The following PPARGC1A variants were observed in gnomAD, a reference collection of about 807,000 sequenced individuals.
The protein encoded by PPARGC1A is peroxisome proliferator-activated receptor gamma coactivator 1-alpha.
In PPARGC1A, 25 loss-of-function variants were observed where a neutral mutation model predicts 88.7. The ratio of observed to expected loss-of-function variants is 0.28; its 90% CI spans 0.21 to 0.39. PPARGC1A has a LOEUF of 0.39. Ranked by LOEUF, PPARGC1A falls within the 10% of genes least tolerant of loss-of-function variation. The pLI is 1.00. For missense variants in PPARGC1A, 880 were observed against 968.7 expected, an observed-to-expected ratio of 0.91 and a Z score of 1.22; for synonymous variants, 363 against 355.6, an observed-to-expected ratio of 1.02 and a Z score of -0.24.
At chr4:24,287,283 TATA>T in the PPARGC1A span, among the ~76,000 whole-genome samples, 1 of 152,058 alleles carries the variant, frequency 6.6e-6, no homozygotes, top group Non-Finnish European at 1.5e-5. Flanking sequence ...ATCACTGGTT[TATA>T]ATGAGTCACA....
the PPARGC1A span, among the ~76,000 whole-genome samples, chr4:24,173,502 G>A: frequency 6.6e-6 from 1 of 152,124 alleles, no homozygotes; most frequent in East Asian, 1.9e-4. Flanking sequence ...TTGGAGCCCA[G>A]CCTGGGCAAC....
At chr4:24,038,287 T>G in the PPARGC1A span, among the ~76,000 whole-genome samples, 2 of 152,284 alleles carry the variant, frequency 1.3e-5, no homozygotes, top group Middle Eastern at 3.4e-3. Context: ...TCTCTGTCAC[T>G]TCCACGTGAG....
the PPARGC1A span, among the ~76,000 whole-genome samples, chr4:23,999,181 G>A: frequency 6.4e-4 from 97 of 152,072 alleles, no homozygotes; most frequent in Non-Finnish European, 1.1e-3. Flanking sequence ...TATAAGCCAC[G>A]GTATTCCCTA....
chr4:24,015,377 G>A, the PPARGC1A span, among the ~76,000 whole-genome samples: 1 of 151,980 alleles, frequency 6.6e-6, no homozygotes, highest in African/African-American at 2.4e-5. Context: ...TTTCAGTTTG[G>A]TTCATAGTAT....
chr4:24,311,266 AT>A, the PPARGC1A span, among the ~76,000 whole-genome samples: 3 of 147,546 alleles, frequency 2.0e-5, no homozygotes, highest in Non-Finnish European at 1.5e-5. Context: ...CGCCCGGCTA[AT>A]TTTTTTTGTA....
the PPARGC1A span, among the ~76,000 whole-genome samples, chr4:24,360,341 C>A: frequency 6.6e-6 from 1 of 152,266 alleles, no homozygotes; most frequent in South Asian, 2.1e-4. Context: ...TGGCTACTTT[C>A]CCTGACCTCA....
At chr4:24,253,114 G>A in the PPARGC1A span, among the ~76,000 whole-genome samples, 55 of 152,290 alleles carry the variant, frequency 3.6e-4, no homozygotes, top group Non-Finnish European at 6.9e-4. Context: ...AGGTGTGAGA[G>A]CATGCAGGAA....
the PPARGC1A span, among the ~76,000 whole-genome samples, chr4:24,449,775 C>A: frequency 6.6e-6 from 1 of 152,056 alleles, no homozygotes; most frequent in Admixed American, 6.6e-5. Flanking sequence ...TATTAAATAC[C>A]TAAGTAATCT....
At chr4:23,906,298 CA>C (rs1480077642), upstream of PPARGC1A, among the ~76,000 whole-genome samples, 2 of 151,754 alleles carry the variant, frequency 1.3e-5, no homozygotes, top group African/African-American at 4.8e-5. Flanking sequence ...ATATTATGAC[CA>C]CATGAAAAAT....
chr4:24,208,756 A>G, the PPARGC1A span, among the ~76,000 whole-genome samples: 1 of 150,784 alleles, frequency 6.6e-6, no homozygotes, highest in Non-Finnish European at 1.5e-5. Flanking sequence ...AGTGCTTACT[A>G]TGTGCCAGGC....
the PPARGC1A span, among the ~76,000 whole-genome samples, chr4:24,020,251 C>T: frequency 5.9e-5 from 9 of 152,170 alleles, no homozygotes; most frequent in African/African-American, 1.7e-4. Flanking sequence ...ACTAAGAAAT[C>T]GCTTTCCTAA....
the PPARGC1A span, among the ~76,000 whole-genome samples, chr4:24,193,012 A>G: frequency 1.4e-3 from 215 of 152,384 alleles, no homozygotes; most frequent in African/African-American, 5.0e-3. Flanking sequence ...ATTAGAAAAG[A>G]GAAAGCAAGA....
chr4:24,109,409 G>C, the PPARGC1A span, among the ~76,000 whole-genome samples: 1 of 152,076 alleles, frequency 6.6e-6, no homozygotes, highest in Admixed American at 6.6e-5. Context: ...TTGTGGGTGG[G>C]AAGGAGGCTT....
the PPARGC1A span, among the ~76,000 whole-genome samples, chr4:24,271,924 T>C: frequency 2.6e-5 from 4 of 152,172 alleles, no homozygotes; most frequent in Non-Finnish European, 5.9e-5. Flanking sequence ...CTTGTTATTA[T>C]ATTATACTAA....
the PPARGC1A span, among the ~76,000 whole-genome samples, chr4:24,223,420 T>C: frequency 9.3e-4 from 142 of 152,190 alleles, no homozygotes; most frequent in African/African-American, 3.3e-3. Context: ...TGGCTAATTT[T>C]TGTATTTTTA....
chr4:23,966,594 C>T, the PPARGC1A span, among the ~76,000 whole-genome samples: 1 of 152,134 alleles, frequency 6.6e-6, no homozygotes, highest in Admixed American at 6.5e-5. Flanking sequence ...GTAGTTTATC[C>T]TAACAGTGAC....
chr4:24,456,125 C>T, the PPARGC1A span, among the ~76,000 whole-genome samples: 1 of 152,118 alleles, frequency 6.6e-6, no homozygotes, highest in African/African-American at 2.4e-5. Flanking sequence ...AGACAAATAA[C>T]CCCTAAAGGG....
chr4:23,996,338 A>G, the PPARGC1A span, among the ~76,000 whole-genome samples: 2 of 152,156 alleles, frequency 1.3e-5, no homozygotes, highest in East Asian at 1.9e-4. Context: ...GAAGATCTTT[A>G]CACAATATAG....
the PPARGC1A span, among the ~76,000 whole-genome samples, chr4:24,162,254 T>C: frequency 1.3e-5 from 2 of 152,050 alleles, no homozygotes; most frequent in Non-Finnish European, 2.9e-5. Flanking sequence ...AGACTACAAA[T>C]TGGATTCAGT....
Sources: gnomAD v4.1 joint callset for allele counts (sites outside exome capture counted in the v4.1 genomes callset) on GRCh38, gnomAD v4.1.1 for gene constraint, MANE v1.5 for transcripts, NCBI Gene and HGNC (gene_info 2026-07-23, HGNC 2026-07-21) for gene names.